WWC1: variants seen among roughly 807,000 people sequenced by gnomAD.
WWC1 encodes the protein WW and C2 domain containing 1.
WWC1 carries 55 observed loss-of-function variants against 138.4 expected under a neutral mutation model. The observed-to-expected ratio is 0.40, with a 90% CI of 0.32 to 0.50. The LOEUF is 0.50. WWC1 is among the 20% of genes least tolerant of loss of function. The pLI is 0.72. For missense variants in WWC1, 1,226 were observed against 1,420.4 expected, an observed-to-expected ratio of 0.86 and a Z score of 2.20; for synonymous variants, 524 against 564.9, an observed-to-expected ratio of 0.93 and a Z score of 1.03.
intron 1 of WWC1, among the ~76,000 whole-genome samples, chr5:168,330,308 G>A (rs986147149): frequency 6.6e-6 from 1 of 152,146 alleles, no homozygotes; most frequent in Non-Finnish European, 1.5e-5. Flanking sequence ...TGTGCTGACT[G>A]AGCAACAACC....
At position 168,375,347 on chromosome 5, in the gene WWC1, A is replaced by G. The variant is rs188407719; in HGVS notation, c.229+3814A>G. Among the ~76,000 whole-genome samples, 17 of 152,228 alleles carry G rather than the reference A, an allele frequency of 1.1e-4. No homozygotes were observed. In the East Asian group the frequency reaches 2.7e-3, roughly 24 times the overall value. On this transcript the variant is annotated intron_variant, in intron 2 of 22. Coordinates refer to ENST00000265293, the MANE Select transcript of WWC1 (RefSeq NM_015238.3). ...GTGTTGGAAGCCACGTGAAGGAAAC[A>G]TATCAAGCAGAGAATTGCCGACAGT...
intron 1 of WWC1, among the ~76,000 whole-genome samples, chr5:168,329,743 G>A (rs1008387332): frequency 6.6e-6 from 1 of 152,172 alleles, no homozygotes; most frequent in African/African-American, 2.4e-5. Flanking sequence ...TGGAAGGAAT[G>A]AGCAAAACAA....
At chr5:168,440,367 G>A (rs1454480750) in intron 15 of WWC1, among the ~76,000 whole-genome samples, 3 of 152,150 alleles carry the variant, frequency 2.0e-5, no homozygotes, top group Non-Finnish European at 2.9e-5. Context: ...GGGATTATAA[G>A]CACTCCCTTA....
At chr5:168,359,848 A>G (rs1448648759) in intron 1 of WWC1, among the ~76,000 whole-genome samples, 2 of 152,138 alleles carry the variant, frequency 1.3e-5, no homozygotes, top group Non-Finnish European at 1.5e-5. Flanking sequence ...TGCTTTTAAT[A>G]TTGTCCTTTG....
At chr5:168,364,580 G>T (rs182098137) in intron 1 of WWC1, among the ~76,000 whole-genome samples, 1 of 152,200 alleles carries the variant, frequency 6.6e-6, no homozygotes, top group East Asian at 1.9e-4. Context: ...TTCTTCAAGC[G>T]TCTGAGCCCT....
At chr5:168,326,843 G>A (rs1034722262) in intron 1 of WWC1, among the ~76,000 whole-genome samples, 6 of 152,128 alleles carry the variant, frequency 3.9e-5, no homozygotes, top group Admixed American at 1.3e-4. Flanking sequence ...CGGCCGGACC[G>A]GATAGTCTTA....
intron 1 of WWC1, among the ~76,000 whole-genome samples, chr5:168,370,308 A>C (rs1418479301): frequency 6.6e-6 from 1 of 152,208 alleles, no homozygotes; most frequent in African/African-American, 2.4e-5. Context: ...GGAATTTAAA[A>C]GGTGATGATC....
intron 2 of WWC1, among the ~76,000 whole-genome samples, chr5:168,381,723 A>C (rs558288957): frequency 2.0e-5 from 3 of 151,012 alleles, no homozygotes; most frequent in South Asian, 2.1e-4. Flanking sequence ...ATTCTAATTT[A>C]AGTGTTCTTC....
intron 1 of WWC1, among the ~76,000 whole-genome samples, chr5:168,361,760 C>T (rs966788870): frequency 6.6e-6 from 1 of 152,086 alleles, no homozygotes; most frequent in African/African-American, 2.4e-5. Flanking sequence ...ACATTCTCTA[C>T]GTTGGGGGCC....
chr5:168,465,041 C>A, intron 21 of WWC1, 79 bp downstream of exon 21: 1 of 1,527,916 alleles, frequency 6.5e-7, no homozygotes. Context: ...GGAAGAGAGG[C>A]CAGAGCTCAT....
intron 2 of WWC1, among the ~76,000 whole-genome samples, chr5:168,373,937 T>C (rs1729116985): frequency 6.7e-6 from 1 of 150,214 alleles, no homozygotes; most frequent in Non-Finnish European, 1.5e-5. Context: ...TCCCAGCTGC[T>C]CAGGAGGCTG....
intron 1 of WWC1, among the ~76,000 whole-genome samples, chr5:168,300,805 C>G (rs1769999297): frequency 6.6e-6 from 1 of 152,092 alleles, no homozygotes; most frequent in Non-Finnish European, 1.5e-5. Flanking sequence ...TGGATTCGTC[C>G]CTGGGGTAGC....
intron 1 of WWC1, among the ~76,000 whole-genome samples, chr5:168,355,118 A>G (rs903831906): frequency 2.6e-5 from 4 of 152,202 alleles, no homozygotes; most frequent in Admixed American, 2.0e-4. Context: ...GACAGTCAAC[A>G]TATCAACACA....
chr5:168,381,500 C>T (rs1364547396), intron 2 of WWC1, among the ~76,000 whole-genome samples: 2 of 152,194 alleles, frequency 1.3e-5, no homozygotes, highest in African/African-American at 4.8e-5. Context: ...CCTTGGGTGG[C>T]ACACTGGAAT....
At chr5:168,460,290 C>T (rs1756693783) in intron 19 of WWC1, among the ~76,000 whole-genome samples, 2 of 152,206 alleles carry the variant, frequency 1.3e-5, no homozygotes, top group Admixed American at 6.5e-5. Context: ...CCCTGCTGTG[C>T]GGCTGACCAG....
In WWC1 at chr5:168,423,726, A is replaced by G. The variant is rs747947879; in HGVS notation, c.1468A>G (p.Thr490Ala). 3.2e-5 allele frequency: 51 copies of G among 1,613,836 alleles called. No homozygotes were observed. The South Asian group carries it at 5.4e-4, about 17-fold the overall frequency. The change falls in exon 11 of 23, where the codon ACC (threonine) becomes GCC (alanine). Residue 490 changes from threonine (T) to alanine (A), a missense_variant. This residue lies in a region of WWC1 where 1,016 missense variants were observed against 1,153.9 expected (regional missense o/e 0.88). Coordinates refer to ENST00000265293, the MANE Select transcript of WWC1 (RefSeq NM_015238.3). ...GGAGTTCCTGCTCCTGGAGGGGGCC[A>G]CCGGCTTCCGGCCCTCAGGCTGCAT... ...KVEFLLLEGA[T>A]GFRPSGCITT...
At chr5:168,445,263 G>A (rs1235191072) in intron 17 of WWC1, among the ~76,000 whole-genome samples, 8 of 152,020 alleles carry the variant, frequency 5.3e-5, no homozygotes, top group Non-Finnish European at 1.2e-4. Context: ...GCAGTGAGCC[G>A]AGATTGCACC....
intron 15 of WWC1, among the ~76,000 whole-genome samples, chr5:168,439,243 C>CT (rs925287191): frequency 6.6e-6 from 1 of 152,122 alleles, no homozygotes. Flanking sequence ...AGATCTTCCT[C>CT]TTTTTTACAT....
chr5:168,345,327 A>T (rs1178559801), intron 1 of WWC1, among the ~76,000 whole-genome samples: 6 of 152,008 alleles, frequency 3.9e-5, no homozygotes, highest in Non-Finnish European at 7.4e-5. Context: ...CTGGTTTCGA[A>T]CTCTCGACCT....
Sources: allele counts gnomAD v4.1 joint callset (sites outside exome capture counted in the v4.1 genomes callset), GRCh38; gene constraint gnomAD v4.1.1; regional missense constraint gnomAD v4.1.1; transcripts MANE v1.5; gene names NCBI Gene and HGNC (gene_info 2026-07-23, HGNC 2026-07-21).